Variants in WDR59 observed in about 807,000 individuals in gnomAD.
WDR59 encodes the protein GATOR2 complex protein WDR59.
A neutral mutation model predicts 131.2 loss-of-function variants in WDR59; 100 were observed. That is an observed-to-expected ratio of 0.76 (90% CI 0.65 to 0.90). The LOEUF (loss-of-function observed/expected upper bound fraction) is 0.90, where lower values mean the gene tolerates loss of function less well. Ranked by LOEUF, WDR59 falls within the 40% of genes least tolerant of loss-of-function variation. The probability of loss-of-function intolerance (pLI) is 0.00; values close to 1 mark genes in which losing one functional copy is unlikely to be tolerated. For synonymous variants in WDR59, 601 were observed against 466.2 expected (o/e 1.29, Z -3.72); for missense variants, 1,203 against 1,262.2 (o/e 0.95, Z 0.71).
chr16:74,914,998 T>C (rs181936498), intron 13 of WDR59, among the ~76,000 whole-genome samples: 1 of 152,352 alleles, frequency 6.6e-6, no homozygotes, highest in Non-Finnish European at 1.5e-5. Context: ...AGATACTCAA[T>C]TTTCTGAAGC....
intron 1 of WDR59, among the ~76,000 whole-genome samples, chr16:74,970,155 C>A (rs2033923953): frequency 6.6e-6 from 1 of 152,060 alleles, no homozygotes; most frequent in Non-Finnish European, 1.5e-5. Flanking sequence ...GAACTCCTTT[C>A]CCTATTGTTA....
rs1300174450 is a variant in WDR59, at chr16:74,891,202, C to CATT, written c.2082+1281_2082+1282insAAT. 7.3e-5 allele frequency among the ~76,000 whole-genome samples: 11 copies of CATT among 150,314 alleles called. 1 individual carries two copies. Among genetic ancestry groups the CATT allele is most frequent in the East Asian group, 2.0e-4 (1 of 5,110 alleles). ...CATTGTATGCCCATTAACTGGAAAA[C>CATT]ATACTAGACTCTGAGATGCTCAAAA... is the stretch of plus-strand genomic sequence containing the variant. On this transcript the variant is annotated intron_variant, in intron 20 of 25. Coordinates refer to ENST00000262144, the MANE Select transcript of WDR59 (RefSeq NM_030581.4).
chr16:74,973,317 G>A (rs1463281104), intron 1 of WDR59, among the ~76,000 whole-genome samples: 3 of 57,580 alleles, frequency 5.2e-5, no homozygotes, highest in Non-Finnish European at 7.0e-5. Flanking sequence ...GGGGTTGGCG[G>A]GGGGGCCGGT....
intron 13 of WDR59, among the ~76,000 whole-genome samples, chr16:74,913,954 C>T (rs576619626): frequency 6.6e-6 from 1 of 152,330 alleles, no homozygotes; most frequent in East Asian, 1.9e-4. Context: ...CGCCTGTAAT[C>T]CCAGCACTTT....
chr16:74,940,393 AC>A (rs1169624181), intron 7 of WDR59, among the ~76,000 whole-genome samples: 11 of 151,588 alleles, frequency 7.3e-5, no homozygotes, highest in East Asian at 1.9e-4. Flanking sequence ...AAAAAAAAAA[AC>A]AACAACAAAA....
chr16:74,927,922 T>C (rs2031002405), intron 8 of WDR59, among the ~76,000 whole-genome samples: 2 of 148,754 alleles, frequency 1.3e-5, no homozygotes, highest in South Asian at 4.3e-4. Flanking sequence ...TTTTTTTTTT[T>C]TTTTGAGACG....
chr16:74,932,509 G>C (rs2031477379), intron 8 of WDR59, among the ~76,000 whole-genome samples: 1 of 151,402 alleles, frequency 6.6e-6, no homozygotes, highest in Non-Finnish European at 1.5e-5. Flanking sequence ...ATTTATCTGA[G>C]ACAGGGTCTC....
intron 17 of WDR59, among the ~76,000 whole-genome samples, chr16:74,904,768 T>G (rs993895372): frequency 2.6e-5 from 4 of 152,288 alleles, no homozygotes; most frequent in Non-Finnish European, 4.4e-5. Context: ...AACACTTAAC[T>G]ATAGAAAAGT....
At chr16:74,981,234 G>C (rs571806695) in intron 1 of WDR59, among the ~76,000 whole-genome samples, 1 of 151,792 alleles carries the variant, frequency 6.6e-6, no homozygotes, top group East Asian at 1.9e-4. Context: ...AAATTAGCCA[G>C]GCGTGGTGGT....
intron 7 of WDR59, among the ~76,000 whole-genome samples, chr16:74,940,200 G>A (rs1438024812): frequency 1.3e-5 from 2 of 152,088 alleles, no homozygotes; most frequent in Non-Finnish European, 1.5e-5. Flanking sequence ...CCAACACGGT[G>A]AAACCCTGTC....
chr16:74,958,038 G>T (rs2033374612), intron 2 of WDR59, among the ~76,000 whole-genome samples: 1 of 152,208 alleles, frequency 6.6e-6, no homozygotes, highest in Non-Finnish European at 1.5e-5. Flanking sequence ...CGTCCCATCA[G>T]AAGAACAACA....
intron 18 of WDR59, among the ~76,000 whole-genome samples, chr16:74,897,691 C>T (rs796084004): frequency 2.0e-5 from 3 of 152,238 alleles, no homozygotes; most frequent in African/African-American, 7.2e-5. Flanking sequence ...AGAGTTGCTA[C>T]CGGAACCAAA....
intron 3 of WDR59, among the ~76,000 whole-genome samples, chr16:74,952,315 G>A (rs1348862682): frequency 6.6e-6 from 1 of 151,806 alleles, no homozygotes. Context: ...GGTGGTGCAT[G>A]CCTGTGGTCT....
At chr16:74,896,861 C>T (rs181534210) in intron 18 of WDR59, among the ~76,000 whole-genome samples, 8 of 152,204 alleles carry the variant, frequency 5.3e-5, no homozygotes, top group Non-Finnish European at 1.2e-4. Context: ...GCCTCACTTA[C>T]GACAGCTCTG....
intron 5 of WDR59, among the ~76,000 whole-genome samples, chr16:74,948,994 G>A (rs1382144258): frequency 6.6e-6 from 1 of 151,806 alleles, no homozygotes; most frequent in African/African-American, 2.4e-5. Context: ...GCAAAACTCT[G>A]TCTCAGAAAA....
chr16:74,909,574 G>A lies in WDR59; in HGVS notation c.1569C>T (p.Thr523=). The change falls in exon 16 of 26, where the codon ACC becomes ACT. Residue 523 remains threonine, a synonymous_variant. Transcript: ENST00000262144. ...CGTCCTGGTACGACCCGTAAGCCGT[G>A]GTCACCCGCGCAAACGTCGGTAAGG... ...TPPLPTFARV[T]TAYGSYQDAN... is the part of the protein sequence containing the mutation. The A allele has an allele frequency of 6.2e-7, 1 of 1,610,864 alleles. No homozygotes were observed. The highest frequency in any genetic ancestry group is 8.5e-7 in the Non-Finnish European group (1 of 1,178,966).
At chr16:74,887,611 A>G in intron 23 of WDR59, 72 bp downstream of exon 23, 1 of 1,384,546 alleles carries the variant, frequency 7.2e-7, no homozygotes, top group Non-Finnish European at 1.0e-6. Context: ...CTAAGCATCA[A>G]CTAAAGGTTA....
At position 74,892,423 on chromosome 16, in the gene WDR59, A is replaced by T; in HGVS notation, c.2082+61T>A. The T allele has an allele frequency of 2.9e-6, 4 of 1,372,340 alleles. No homozygotes were observed. The East Asian group carries it at 9.2e-5, about 31-fold the overall frequency. The allele number at this position is 1,372,340 out of a possible 1,614,324, so 85.0% of individuals were successfully genotyped here. ...AAATGTCATTAAATGCCAATGACAA[A>T]GTAAAAACAATTTGCTCCTGAAGAA... On this transcript the variant is annotated intron_variant, in intron 20 of 25. Coordinates refer to ENST00000262144, the MANE Select transcript of WDR59 (RefSeq NM_030581.4).
chr16:74,904,301 A>G, intron 17 of WDR59: 1 of 579,668 alleles, frequency 1.7e-6, no homozygotes, highest in Non-Finnish European at 2.9e-6. Flanking sequence ...TACAGACATA[A>G]AAAATTCAAA....
Sources: allele counts gnomAD v4.1 joint callset (sites outside exome capture counted in the v4.1 genomes callset), GRCh38; gene constraint gnomAD v4.1.1; transcripts MANE v1.5; gene names NCBI Gene and HGNC (gene_info 2026-07-23, HGNC 2026-07-21).